Variants in CACNA1C observed in about 807,000 individuals in gnomAD.
CACNA1C encodes calcium voltage-gated channel subunit alpha1 C, also known as voltage-dependent L-type calcium channel subunit alpha-1C.
Under a neutral mutation model 229.0 loss-of-function variants are expected in CACNA1C, and 30 were observed. The ratio of observed to expected loss-of-function variants is 0.13; its 90% confidence interval spans 0.10 to 0.18. The LOEUF (loss-of-function observed/expected upper bound fraction) is 0.18, where lower values mean the gene tolerates loss of function less well. Ranked by LOEUF, CACNA1C falls within the 10% of genes least tolerant of loss-of-function variation. The probability of loss-of-function intolerance (pLI) is 1.00; values close to 1 mark genes in which losing one functional copy is unlikely to be tolerated. For synonymous variants in CACNA1C, 1,114 were observed against 1,132.5 expected (o/e 0.98, Z 0.33); for missense variants, 1,658 against 2,845.0 (o/e 0.58, Z 9.49).
At position 2,568,141 on chromosome 12, in the gene CACNA1C, C is replaced by T. The variant is rs188357236; in HGVS notation, c.1895+347C>T. On this transcript the variant is annotated intron_variant, in intron 13 of 46. Transcript: ENST00000399655. ...CACCAGCCTTGGTGCTGATTCTTCT[C>T]CAGGGTCATAAGATGACTTCTGGAG... 1.2e-4 allele frequency among the ~76,000 whole-genome samples: 19 copies of T among 152,244 alleles called. No individual in the cohort carries two copies. In the East Asian group the frequency reaches 3.7e-3, roughly 29 times the overall value.
At chr12:2,265,861 C>T (rs1416350560) in intron 3 of CACNA1C, among the ~76,000 whole-genome samples, 3 of 152,194 alleles carry the variant, frequency 2.0e-5, no homozygotes, top group Non-Finnish European at 4.4e-5. Flanking sequence ...GCTCAGACCT[C>T]CTGCAGTTCT....
chr12:2,351,963 G>T (rs987242562), intron 3 of CACNA1C, among the ~76,000 whole-genome samples: 2 of 152,214 alleles, frequency 1.3e-5, no homozygotes, highest in Non-Finnish European at 2.9e-5. Context: ...TTTTCTGTCT[G>T]CCCAGTGCAG....
intron 2 of CACNA1C, among the ~76,000 whole-genome samples, chr12:2,118,419 A>G (rs1417779898): frequency 6.6e-6 from 1 of 152,182 alleles, no homozygotes; most frequent in Non-Finnish European, 1.5e-5. Flanking sequence ...TAGGAGGGCT[A>G]AAAGAACTGC....
intron 18 of CACNA1C, among the ~76,000 whole-genome samples, chr12:2,592,841 A>G (rs1353763088): frequency 6.6e-6 from 1 of 151,846 alleles, no homozygotes; most frequent in Non-Finnish European, 1.5e-5. Flanking sequence ...CCTGCGGCCT[A>G]GATAGATGAG....
At chr12:2,659,636 A>T (rs1202925207) in intron 34 of CACNA1C, among the ~76,000 whole-genome samples, 1 of 152,242 alleles carries the variant, frequency 6.6e-6, no homozygotes, top group Non-Finnish European at 1.5e-5. Context: ...GCTGTATATT[A>T]AATAAGCTAA....
chr12:2,398,751 A>G (rs2098632542), intron 3 of CACNA1C, among the ~76,000 whole-genome samples: 1 of 152,170 alleles, frequency 6.6e-6, no homozygotes, highest in Non-Finnish European at 1.5e-5. Context: ...GATGCCCAAG[A>G]CAGTTCCTGG....
chr12:2,681,423 G>A (rs1282417038), intron 42 of CACNA1C, among the ~76,000 whole-genome samples: 2 of 152,192 alleles, frequency 1.3e-5, no homozygotes, highest in African/African-American at 4.8e-5. Context: ...TGAAGAGGAG[G>A]AGCATAGCCC....
rs1242008668 is a variant in CACNA1C at position 2,633,637 on chromosome 12, T to C, written c.3829-660T>C. On this transcript the variant is annotated intron_variant, in intron 29 of 46. Coordinates refer to ENST00000399655, the MANE Select transcript of CACNA1C (RefSeq NM_000719.7). The surrounding 1 kb of genome is among the most constrained non-coding windows in gnomAD (Gnocchi z 5.8). ...TGCCCTCCCTTATGTAGGGTTACTT[T>C]AGTGATCCCTGGAATGTTTTTGACT... 1 of 1,599,530 alleles carries C rather than the reference T, an allele frequency of 6.3e-7. No individual in the cohort carries two copies. The highest frequency in any genetic ancestry group is 1.1e-5 in the South Asian group (1 of 90,748).
intron 30 of CACNA1C, among the ~76,000 whole-genome samples, chr12:2,638,046 C>T (rs761327180): frequency 2.6e-5 from 4 of 152,170 alleles, no homozygotes; most frequent in Non-Finnish European, 5.9e-5. Context: ...CGTCAGGCAC[C>T]GTTTGAGGCA....
In CACNA1C at chr12:2,248,147, A is replaced by G. The variant is rs143103464; in HGVS notation, c.477+127717A>G. 1.3e-5 allele frequency among the ~76,000 whole-genome samples: 2 copies of G among 152,328 alleles called. 1 individual carries two copies. The highest frequency in any genetic ancestry group is 4.8e-5 in the African/African-American group (2 of 41,574). ...CTAGGAAGGTTTGGCTCAAATGTCC[A>G]TTGCAAAGTAATTAAGAATCTCCTC... On this transcript the variant is annotated intron_variant, in intron 3 of 46. Coordinates refer to ENST00000399655, the MANE Select transcript of CACNA1C (RefSeq NM_000719.7).
chr12:2,606,856 T>C lies in CACNA1C; in HGVS notation c.3210-128T>C, dbSNP rs866552629. ...TGAAGTTTCTGCCCACTGAAGCTCC[T>C]CCCATGGCTAGAACGGTGAAGTTCA... On this transcript the variant is annotated intron_variant, in intron 25 of 46. Coordinates refer to ENST00000399655, the MANE Select transcript of CACNA1C (RefSeq NM_000719.7). 7.8e-6 allele frequency: 9 copies of C among 1,154,830 alleles called. No homozygotes were observed. The South Asian group carries it at 1.0e-4, about 13-fold the overall frequency. 71.5% of individuals were successfully genotyped at this position (1,154,830 alleles called of 1,614,324 possible). A position where few individuals can be genotyped will look rare whatever the true frequency, so the allele number is the denominator to read the frequency against.
At chr12:2,126,986 T>C (rs1240676241) in intron 3 of CACNA1C, among the ~76,000 whole-genome samples, 1 of 152,218 alleles carries the variant, frequency 6.6e-6, no homozygotes, top group Admixed American at 6.5e-5. Flanking sequence ...CTGTGCTTTT[T>C]GGCAGCTGTG....
intron 9 of CACNA1C, among the ~76,000 whole-genome samples, chr12:2,531,413 C>T (rs1235417014): frequency 2.0e-5 from 3 of 152,190 alleles, no homozygotes; most frequent in Non-Finnish European, 4.4e-5. Flanking sequence ...CTAAACAACC[C>T]TTTCCTCTCT....
intron 3 of CACNA1C, among the ~76,000 whole-genome samples, chr12:2,235,775 A>C (rs1392994215): frequency 6.6e-6 from 1 of 152,198 alleles, no homozygotes; most frequent in Non-Finnish European, 1.5e-5. Context: ...GCAGGCAGGT[A>C]GGAGCAGTCC....
chr12:2,228,623 C>G (rs1337123396), intron 3 of CACNA1C, among the ~76,000 whole-genome samples: 1 of 152,138 alleles, frequency 6.6e-6, no homozygotes, highest in Non-Finnish European at 1.5e-5. Context: ...GGAGGAAAAC[C>G]CAGTACAGAT....
chr12:2,422,147 T>C (rs1465790326), intron 3 of CACNA1C, among the ~76,000 whole-genome samples: 1 of 152,214 alleles, frequency 6.6e-6, no homozygotes, highest in African/African-American at 2.4e-5. Flanking sequence ...ACAAAGTGAT[T>C]CTTCCTCCAT....
intron 3 of CACNA1C, among the ~76,000 whole-genome samples, chr12:2,314,527 C>T (rs1199265427): frequency 6.6e-6 from 1 of 152,222 alleles, no homozygotes; most frequent in Non-Finnish European, 1.5e-5. Context: ...CCAGGAACCA[C>T]TGCCCTGACT....
At chr12:2,424,220 A>G (rs759555601) in intron 3 of CACNA1C, among the ~76,000 whole-genome samples, 1 of 152,220 alleles carries the variant, frequency 6.6e-6, no homozygotes, top group Non-Finnish European at 1.5e-5. Flanking sequence ...AAAGACCTCA[A>G]TTAGCCAAAT....
intron 29 of CACNA1C, among the ~76,000 whole-genome samples, chr12:2,623,342 C>G (rs1288106743): frequency 6.6e-6 from 1 of 152,096 alleles, no homozygotes; most frequent in Non-Finnish European, 1.5e-5. Flanking sequence ...TGAGTGCCCC[C>G]ACGAGCCTCT....
Sources: gnomAD v4.1 joint callset for allele counts (sites outside exome capture counted in the v4.1 genomes callset) on GRCh38, gnomAD v4.1.1 for gene constraint, Gnocchi (gnomAD v3.1) non-coding constraint, MANE v1.5 for transcripts, NCBI Gene and HGNC (gene_info 2026-07-23, HGNC 2026-07-21) for gene names.